The following EHBP1 variants were observed in gnomAD, a reference collection of about 807,000 sequenced individuals.
The protein encoded by EHBP1 is EH domain binding protein 1.
EHBP1 carries 55 observed loss-of-function variants against 144.0 expected under a neutral mutation model. That is an observed-to-expected ratio of 0.38 (90% CI 0.31 to 0.48). EHBP1 has a LOEUF of 0.48. EHBP1 is among the 20% of genes least tolerant of loss of function. The pLI, the probability that EHBP1 is intolerant of heterozygous loss-of-function variation, is 0.98. For synonymous variants in EHBP1, 469 were observed against 472.7 expected, an observed-to-expected ratio of 0.99 and a Z score of 0.10; for missense variants, 1,200 against 1,364.2, an observed-to-expected ratio of 0.88 and a Z score of 1.90.
intron 7 of EHBP1, among the ~76,000 whole-genome samples, chr2:62,850,689 ATATATTGG>A (rs2048634189): frequency 6.6e-6 from 1 of 152,162 alleles, no homozygotes; most frequent in African/African-American, 2.4e-5. Flanking sequence ...TATTATATAA[ATATATTGG>A]GTTGGGTAGT....
intron 19 of EHBP1, among the ~76,000 whole-genome samples, chr2:63,004,273 G>GC (rs1029618286): frequency 7.2e-5 from 11 of 151,980 alleles, no homozygotes; most frequent in Admixed American, 6.6e-4. Flanking sequence ...CAATCACAAA[G>GC]CAAAATGGCT....
intron 14 of EHBP1, among the ~76,000 whole-genome samples, chr2:62,957,274 T>C (rs781186028): frequency 1.3e-5 from 2 of 152,062 alleles, no homozygotes; most frequent in African/African-American, 2.4e-5. Context: ...TGGAAAAATA[T>C]CAACATCCAT....
intron 5 of EHBP1, among the ~76,000 whole-genome samples, chr2:62,791,580 T>G (rs1355401463): frequency 6.6e-6 from 1 of 151,984 alleles, no homozygotes; most frequent in Non-Finnish European, 1.5e-5. Context: ...AGTTTTAAAT[T>G]CTGTAATCGA....
chr2:62,829,450 C>T (rs1341299136), intron 6 of EHBP1, among the ~76,000 whole-genome samples: 3 of 151,940 alleles, frequency 2.0e-5, no homozygotes, highest in African/African-American at 4.8e-5. Context: ...CACGTGAGAA[C>T]ATACGATGTT....
intron 15 of EHBP1, among the ~76,000 whole-genome samples, chr2:62,980,336 C>T (rs1207880351): frequency 7.9e-5 from 12 of 152,094 alleles, no homozygotes; most frequent in Non-Finnish European, 4.4e-5. Context: ...AATCTAATGC[C>T]GCTGCTGATC....
chr2:62,788,850 A>G (rs1338578375), intron 5 of EHBP1, among the ~76,000 whole-genome samples: 1 of 152,214 alleles, frequency 6.6e-6, no homozygotes, highest in Non-Finnish European at 1.5e-5. Flanking sequence ...GATGTATTAG[A>G]TGCTGTAGCA....
chr2:62,751,379 G>A (rs1256421187), intron 3 of EHBP1, among the ~76,000 whole-genome samples: 1 of 152,110 alleles, frequency 6.6e-6, no homozygotes, highest in Non-Finnish European at 1.5e-5. Context: ...TGCTGGATTT[G>A]GTTTGCCAGT....
chr2:62,776,590 T>C (rs1015366595), intron 5 of EHBP1, among the ~76,000 whole-genome samples: 1 of 152,206 alleles, frequency 6.6e-6, no homozygotes, highest in African/African-American at 2.4e-5. Context: ...TTTACTGTTA[T>C]CTCAAAGCAA....
At chr2:62,737,423 A>G (rs1305789461) in intron 2 of EHBP1, among the ~76,000 whole-genome samples, 1 of 152,128 alleles carries the variant, frequency 6.6e-6, no homozygotes, top group Admixed American at 6.6e-5. Context: ...AGCCTTCAGT[A>G]GTTGATCAAT....
intron 5 of EHBP1, among the ~76,000 whole-genome samples, chr2:62,792,623 G>T (rs1443247418): frequency 6.6e-6 from 1 of 151,938 alleles, no homozygotes; most frequent in Non-Finnish European, 1.5e-5. Context: ...TTTTTCATGT[G>T]ATAGTCTTGT....
chr2:62,703,375 A>G (rs2034335477), upstream of EHBP1, among the ~76,000 whole-genome samples: 1 of 152,172 alleles, frequency 6.6e-6, no homozygotes, highest in Non-Finnish European at 1.5e-5. Flanking sequence ...TCGGTATTCA[A>G]TAACTATCAG....
intron 5 of EHBP1, among the ~76,000 whole-genome samples, chr2:62,787,915 G>C (rs943870898): frequency 1.3e-5 from 2 of 152,202 alleles, no homozygotes; most frequent in African/African-American, 2.4e-5. Flanking sequence ...GGTTCACAGA[G>C]CACTGGCTAA....
At chr2:62,730,997 A>G (rs930176533) in intron 2 of EHBP1, among the ~76,000 whole-genome samples, 6 of 150,780 alleles carry the variant, frequency 4.0e-5, no homozygotes, top group Non-Finnish European at 7.4e-5. Flanking sequence ...TTGAGTCTAT[A>G]GATCAAATTG....
At chr2:62,715,505 C>G (rs1173859787) in intron 2 of EHBP1, among the ~76,000 whole-genome samples, 1 of 151,382 alleles carries the variant, frequency 6.6e-6, no homozygotes, top group Admixed American at 6.6e-5. Context: ...TTTAAAGAGT[C>G]ATATGGCTAC....
At chr2:62,922,406 G>T (rs2055160241) in intron 10 of EHBP1, among the ~76,000 whole-genome samples, 1 of 152,140 alleles carries the variant, frequency 6.6e-6, no homozygotes, top group African/African-American at 2.4e-5. Context: ...GACTTTGGTG[G>T]AATGGGTGAA....
chr2:62,735,301 G>A (rs1294286387), intron 2 of EHBP1, among the ~76,000 whole-genome samples: 4 of 150,136 alleles, frequency 2.7e-5, no homozygotes, highest in Non-Finnish European at 4.4e-5. Context: ...TTGTGGTTGC[G>A]TTAGAGTTTA....
chr2:62,729,649 T>C (rs1240218765), intron 2 of EHBP1, among the ~76,000 whole-genome samples: 3 of 142,648 alleles, frequency 2.1e-5, no homozygotes, highest in Non-Finnish European at 3.0e-5. Context: ...TAATATAATA[T>C]AATATAATAT....
At chr2:62,995,381 A>G (rs1393125650) in intron 18 of EHBP1, among the ~76,000 whole-genome samples, 1 of 152,096 alleles carries the variant, frequency 6.6e-6, no homozygotes, top group African/African-American at 2.4e-5. Context: ...TTGAGGTCAC[A>G]TATGAGTACA....
chr2:62,991,894 A>G (rs567345008), intron 16 of EHBP1, among the ~76,000 whole-genome samples: 3 of 152,314 alleles, frequency 2.0e-5, no homozygotes, highest in Admixed American at 2.0e-4. Flanking sequence ...ATTGGTGATG[A>G]AAGTGTGTGG....
Sources: allele counts gnomAD v4.1 joint callset (sites outside exome capture counted in the v4.1 genomes callset), GRCh38; gene constraint gnomAD v4.1.1; transcripts MANE v1.5; gene names NCBI Gene and HGNC (gene_info 2026-07-23, HGNC 2026-07-21).